The following RSRC2 variants were observed in gnomAD, a reference collection of about 807,000 sequenced individuals.
RSRC2 encodes arginine and serine rich coiled-coil 2.
In RSRC2, 5 loss-of-function variants were observed where a neutral mutation model predicts 61.3. The observed-to-expected ratio is 0.08, with a 90% CI of 0.04 to 0.17. The LOEUF (loss-of-function observed/expected upper bound fraction) is 0.17, where lower values mean the gene tolerates loss of function less well. RSRC2 is among the 10% of genes least tolerant of loss of function. The probability of loss-of-function intolerance (pLI) is 1.00; values close to 1 mark genes in which losing one functional copy is unlikely to be tolerated. For synonymous variants in RSRC2, 202 were observed against 166.5 expected, an observed-to-expected ratio of 1.21 and a Z score of -1.64; for missense variants, 381 against 518.8, an observed-to-expected ratio of 0.73 and a Z score of 2.58.
At chr12:122,519,123 T>A in intron 3 of RSRC2, 94 bp from the exon 4 acceptor site, 1 of 953,212 alleles carries the variant, frequency 1.0e-6, no homozygotes, top group Non-Finnish European at 1.7e-6. Flanking sequence ...GATGCAACAT[T>A]AGTAACCTTA....
intron 6 of RSRC2, among the ~76,000 whole-genome samples, chr12:122,512,604 C>T (rs1216419376): frequency 3.3e-5 from 5 of 151,584 alleles, no homozygotes; most frequent in African/African-American, 9.7e-5. Flanking sequence ...TGGTGGTGGG[C>T]GCCTGTAATC....
Position 122,522,190 on chromosome 12 carries a change from T to C in RSRC2, c.116A>G (p.His39Arg), listed in dbSNP as rs774355105. Residue 39 changes from histidine (H) to arginine (R), a missense_variant, in exon 2 of 10, where the codon CAT (histidine) becomes CGT (arginine). Physicochemically the swap from His to Arg is conservative, Grantham distance 29 (BLOSUM62 0). Around this residue, in one of 4 missense-constraint regions of RSRC2, gnomAD observed 266 missense variants for 270.5 expected, o/e 0.98. Transcript: ENST00000331738. ...VSVSPRASKHHYSRSRSRSRE... is the reference protein window; with the variant it reads ...VSVSPRASKHRYSRSRSRSRE... ...TGACCTTGATCGTGATCTTGAATAATGATGTTTTGAAGCTCTAGGAGAAAC... is the reference window on the plus strand; with the variant it reads ...TGACCTTGATCGTGATCTTGAATAACGATGTTTTGAAGCTCTAGGAGAAAC... The C allele has an allele frequency of 1.9e-6, 3 of 1,613,958 alleles. No homozygotes were observed. The highest frequency in any genetic ancestry group is 2.5e-6 in the Non-Finnish European group (3 of 1,179,986).
intron 9 of RSRC2, chr12:122,506,546 G>T: frequency 3.7e-6 from 1 of 270,598 alleles, no homozygotes; most frequent in East Asian, 6.8e-5. Context: ...GAAGTTTAAG[G>T]CTGCAGTGAG....
At chr12:122,511,730 G>A (rs1440293522) in intron 6 of RSRC2, among the ~76,000 whole-genome samples, 3 of 152,162 alleles carry the variant, frequency 2.0e-5, no homozygotes, top group Admixed American at 1.3e-4. Context: ...TTCTCAATTA[G>A]GAAATTACTT....
At chr12:122,520,260 A>C in intron 3 of RSRC2, 1 of 258,858 alleles carries the variant, frequency 3.9e-6, no homozygotes, top group South Asian at 3.7e-5. Flanking sequence ...ACCTGGAGAC[A>C]CAATTAAATT....
At chr12:122,522,573 G>T (rs1959383512) in intron 1 of RSRC2, 1 of 275,048 alleles carries the variant, frequency 3.6e-6, no homozygotes, top group Non-Finnish European at 6.8e-6. Context: ...GGGGTGGGGT[G>T]GGGGAGGAAT....
intron 5 of RSRC2, among the ~76,000 whole-genome samples, chr12:122,515,820 T>A (rs1480119115): frequency 6.6e-6 from 1 of 152,060 alleles, no homozygotes; most frequent in African/African-American, 2.4e-5. Flanking sequence ...TGAAACCCCG[T>A]CTCTACAAAA....
At chr12:122,518,764 T>G in intron 4 of RSRC2, 75 bp downstream of exon 4, 1 of 1,111,050 alleles carries the variant, frequency 9.0e-7, no homozygotes, top group East Asian at 2.4e-5. Context: ...ATGATTTTTT[T>G]GGGTGTTGCT....
intron 5 of RSRC2, among the ~76,000 whole-genome samples, chr12:122,515,528 T>C (rs1958840549): frequency 6.6e-6 from 1 of 152,294 alleles, no homozygotes; most frequent in African/African-American, 2.4e-5. Flanking sequence ...CATCTGGCTG[T>C]TTCCAATCTT....
intron 1 of RSRC2, among the ~76,000 whole-genome samples, chr12:122,524,141 C>T (rs1396786515): frequency 2.0e-5 from 3 of 152,176 alleles, no homozygotes; most frequent in Non-Finnish European, 4.4e-5. Context: ...GCAACATTAG[C>T]TGACTTGCTT....
chr12:122,517,128 T>A (rs1348294803), intron 5 of RSRC2, 99 bp downstream of exon 5: 2 of 1,541,576 alleles, frequency 1.3e-6, no homozygotes, highest in Non-Finnish European at 1.8e-6. Context: ...AATCTATAAA[T>A]AGAATTGTGA....
intron 6 of RSRC2, 161 bp downstream of exon 6, chr12:122,514,944 G>C (rs1958796709): frequency 1.2e-6 from 1 of 805,398 alleles, no homozygotes. Flanking sequence ...CAAATGTTTA[G>C]GATGAGAATT....
chr12:122,517,970 A>G (rs543624295), intron 4 of RSRC2, among the ~76,000 whole-genome samples: 22 of 152,318 alleles, frequency 1.4e-4, no homozygotes, highest in African/African-American at 5.3e-4. Context: ...CAGTTTAACA[A>G]TATGATTTTT....
rs1046608620 is a variant in RSRC2 at position 122,505,877 on chromosome 12, T to G, written c.1126-171A>C. Among the ~76,000 whole-genome samples the G allele has an allele frequency of 1.8e-4, 28 of 152,052 alleles. 1 individual carries two copies. Among genetic ancestry groups the G allele is most frequent in the Admixed American group, 9.8e-4 (15 of 15,260 alleles). On this transcript the variant is annotated intron_variant, in intron 9 of 9. Coordinates refer to ENST00000331738, the MANE Select transcript of RSRC2 (RefSeq NM_023012.6). ...CACTGCAACCTCTGCCTCCTGGGTT[T>G]AAGTAATTCTTATGCCTCAGCCTCC... is the stretch of plus-strand genomic sequence containing the variant.
intron 6 of RSRC2, among the ~76,000 whole-genome samples, chr12:122,513,233 AAAT>A (rs1326323533): frequency 2.8e-4 from 26 of 91,268 alleles, no homozygotes; most frequent in African/African-American, 9.5e-4. Context: ...ATAAATAAAT[AAAT>A]AAATAAATAA....
intron 4 of RSRC2, among the ~76,000 whole-genome samples, 175 bp from the exon 5 acceptor site, chr12:122,517,605 C>G (rs1481939610): frequency 6.6e-6 from 1 of 152,168 alleles, no homozygotes; most frequent in East Asian, 1.9e-4. Context: ...ACGAACCCTT[C>G]ATTTTGTTTG....
chr12:122,521,791 T>C (rs1959232553), intron 2 of RSRC2, among the ~76,000 whole-genome samples: 1 of 152,144 alleles, frequency 6.6e-6, no homozygotes, highest in African/African-American at 2.4e-5. Context: ...AATAAACAGG[T>C]TGAATTATAT....
chr12:122,517,082 T>G lies in RSRC2; in HGVS notation c.602+145A>C, dbSNP rs1429487487. 3.4e-6 allele frequency: 4 copies of G among 1,180,734 alleles called. No individual in the cohort carries two copies. The African/African-American group carries it at 4.6e-5, about 13-fold the overall frequency. 73.1% of individuals were successfully genotyped at this position (1,180,734 alleles called of 1,614,324 possible). A position where few individuals can be genotyped will look rare whatever the true frequency, so the allele number is the denominator to read the frequency against. On this transcript the variant is annotated intron_variant, in intron 5 of 9. Coordinates refer to ENST00000331738, the MANE Select transcript of RSRC2 (RefSeq NM_023012.6). ...CTATTCAAGTGGTTAGGTGTGTTCT[T>G]CATACGTTAGGTAATGACTAAAATA...
At chr12:122,508,568 A>C in intron 7 of RSRC2, 121 bp from the exon 8 acceptor site, 1 of 718,750 alleles carries the variant, frequency 1.4e-6, no homozygotes, top group Non-Finnish European at 2.3e-6. Context: ...ATTTTCACCA[A>C]ATCCAAGGAA....
Sources: allele counts gnomAD v4.1 joint callset (sites outside exome capture counted in the v4.1 genomes callset), GRCh38; gene constraint gnomAD v4.1.1; regional missense constraint gnomAD v4.1.1; transcripts MANE v1.5; gene names NCBI Gene and HGNC (gene_info 2026-07-23, HGNC 2026-07-21).